The following CFAP57 variants were observed in gnomAD, a reference collection of about 807,000 sequenced individuals.
CFAP57 encodes the protein cilia and flagella associated protein 57, also known as cilia- and flagella-associated protein 57.
CFAP57 carries 116 observed loss-of-function variants against 146.8 expected under a neutral mutation model. That is an observed-to-expected ratio of 0.79 (90% CI 0.68 to 0.92). The LOEUF is 0.92. Among genes scored for constraint, CFAP57 ranks in the 40% least tolerant of loss-of-function variants. CFAP57 has a pLI of 0.00. For synonymous variants in CFAP57, 518 were observed against 552.8 expected (o/e 0.94, Z 0.88); for missense variants, 1,377 against 1,527.2 (o/e 0.90, Z 1.64).
chr1:43,251,474 G>A (rs779706976), intron 22 of CFAP57, among the ~76,000 whole-genome samples: 3 of 152,064 alleles, frequency 2.0e-5, no homozygotes, highest in African/African-American at 7.2e-5. Context: ...CCTGAAGAAC[G>A]AACTCAGATA....
At chr1:43,213,504 G>T (rs1225980799) in intron 11 of CFAP57, among the ~76,000 whole-genome samples, 1 of 80,438 alleles carries the variant, frequency 1.2e-5, no homozygotes. Context: ...CAATAAATAT[G>T]GGGGGGGCGG....
intron 18 of CFAP57, 123 bp downstream of exon 18, chr1:43,227,249 G>C (rs1645280777): frequency 8.3e-7 from 1 of 1,209,396 alleles, no homozygotes; most frequent in African/African-American, 1.6e-5. Flanking sequence ...CCCAAGGTGT[G>C]TGCAGCCTCC....
intron 9 of CFAP57, among the ~76,000 whole-genome samples, chr1:43,200,933 A>G (rs1160627429): frequency 1.3e-5 from 2 of 152,212 alleles, no homozygotes; most frequent in African/African-American, 4.8e-5. Flanking sequence ...ATTAGAGTGG[A>G]AGGAAATTGG....
chr1:43,177,086 C>T (rs193068891), intron 2 of CFAP57: 15 of 454,842 alleles, frequency 3.3e-5, no homozygotes, highest in Admixed American at 7.1e-5. Context: ...TAAAGGGGTG[C>T]GTTCTGAGTG....
At chr1:43,198,749 T>C in intron 8 of CFAP57, 103 bp downstream of exon 8, 2 of 1,245,494 alleles carry the variant, frequency 1.6e-6, no homozygotes, top group South Asian at 2.5e-5. Context: ...AAAATCTGTC[T>C]TGGAGAACTA....
chr1:43,208,023 A>G (rs1557773642), intron 10 of CFAP57, among the ~76,000 whole-genome samples: 1 of 152,246 alleles, frequency 6.6e-6, no homozygotes, highest in African/African-American at 2.4e-5. Context: ...ACAGCATTCA[A>G]TAAATGTGTG....
At position 43,251,399 on chromosome 1, in the gene CFAP57, G is replaced by A. The variant is rs75319993; in HGVS notation, c.3539-2578G>A. ...ACTAGGGAGGGGCCAAGGGCCACCC[G>A]GTGCAGTGATCTGGTGAGTTTCAGT... On this transcript the variant is annotated intron_variant, in intron 22 of 22. Transcript: ENST00000372492. Among the ~76,000 whole-genome samples the A allele has an allele frequency of 6.2e-3, 948 of 152,328 alleles. 5 individuals carry two copies. The highest frequency in any genetic ancestry group is 0.022 in the African/African-American group (911 of 41,570).
At chr1:43,208,788 TATAACA>T (rs1358528899) in intron 10 of CFAP57, among the ~76,000 whole-genome samples, 2 of 27,368 alleles carry the variant, frequency 7.3e-5, no homozygotes, top group African/African-American at 1.8e-4. Flanking sequence ...GAACTTAAAG[TATAACA>T]ATAATAATAA....
chr1:43,245,605 A>C (rs958475592), intron 22 of CFAP57, among the ~76,000 whole-genome samples: 1 of 152,184 alleles, frequency 6.6e-6, no homozygotes, highest in African/African-American at 2.4e-5. Flanking sequence ...AATGTATGCC[A>C]CAAAACCCTC....
intron 21 of CFAP57, among the ~76,000 whole-genome samples, chr1:43,241,558 A>C (rs1645922937): frequency 6.6e-6 from 1 of 151,836 alleles, no homozygotes; most frequent in Non-Finnish European, 1.5e-5. Context: ...CGTAGCCACC[A>C]CTCGTGAGAT....
chr1:43,219,355 C>T (rs1269099076), intron 12 of CFAP57, 27 bp from the exon 13 acceptor site: 1 of 1,540,474 alleles, frequency 6.5e-7, no homozygotes, highest in Non-Finnish European at 8.8e-7. Context: ...TGTCAGTGTT[C>T]TTGATCCTTC....
At chr1:43,175,819 GT>G (rs61528121) in intron 2 of CFAP57, among the ~76,000 whole-genome samples, 117 of 137,608 alleles carry the variant, frequency 8.5e-4, no homozygotes, top group South Asian at 2.3e-3. Flanking sequence ...ATGTTTTTGG[GT>G]TTTTTTTTTT....
intron 10 of CFAP57, among the ~76,000 whole-genome samples, chr1:43,208,572 C>CT (rs1180989145): frequency 6.6e-6 from 1 of 152,290 alleles, no homozygotes; most frequent in Admixed American, 6.5e-5. Flanking sequence ...CATATTCTCA[C>CT]TCATAGGTGG....
Position 43,206,959 on chromosome 1 carries a change from G to A in CFAP57, c.1755+27G>A, listed in dbSNP as rs763890936. The A allele has an allele frequency of 1.2e-5, 20 of 1,608,866 alleles. No individual in the cohort carries two copies. In the East Asian group the frequency reaches 3.8e-4, roughly 31 times the overall value. ...TGAGTCTGCCCCTGCCCCGCCTCTGGGCTGGTGCACGGATCTGCAGGGACA... is the reference window on the plus strand; with the variant it reads ...TGAGTCTGCCCCTGCCCCGCCTCTGAGCTGGTGCACGGATCTGCAGGGACA... On this transcript the variant is annotated intron_variant, in intron 10 of 22. Transcript: ENST00000372492.
At chr1:43,235,291 C>T (rs558685139) in intron 21 of CFAP57, among the ~76,000 whole-genome samples, 6 of 152,318 alleles carry the variant, frequency 3.9e-5, no homozygotes, top group South Asian at 2.1e-4. Context: ...GCCGCCTCCA[C>T]ACAGGCACGT....
At chr1:43,236,913 C>CAAA (rs5773804) in intron 21 of CFAP57, among the ~76,000 whole-genome samples, 2 of 146,066 alleles carry the variant, frequency 1.4e-5, no homozygotes, top group Non-Finnish European at 1.5e-5. Context: ...CATCCCCCCC[C>CAAA]AAAAAAAAAA....
chr1:43,231,956 C>A, intron 18 of CFAP57: 1 of 560,374 alleles, frequency 1.8e-6, no homozygotes, highest in Non-Finnish European at 3.2e-6. Context: ...CTTTTTAAGA[C>A]CTTTCAACAG....
intron 17 of CFAP57, among the ~76,000 whole-genome samples, chr1:43,225,376 C>G (rs507277): frequency 1.4e-4 from 22 of 152,236 alleles, no homozygotes; most frequent in Admixed American, 3.9e-4. Flanking sequence ...TCTGTCTCAA[C>G]GAATCAACAC....
intron 11 of CFAP57, chr1:43,210,954 A>G (rs939299267): frequency 1.8e-4 from 28 of 152,012 alleles, no homozygotes; most frequent in African/African-American, 6.3e-4. Context: ...AAAAAAAGTA[A>G]TGTCTATACC....
Sources: gnomAD v4.1 joint callset for allele counts (sites outside exome capture counted in the v4.1 genomes callset) on GRCh38, gnomAD v4.1.1 for gene constraint, MANE v1.5 for transcripts, NCBI Gene and HGNC (gene_info 2026-07-23, HGNC 2026-07-21) for gene names.